The following EIF2AK4 variants were observed in gnomAD, a reference collection of about 807,000 sequenced individuals.
EIF2AK4 encodes the protein eIF-2-alpha kinase GCN2.
A neutral mutation model predicts 211.1 loss-of-function variants in EIF2AK4; 139 were observed. The ratio of observed to expected loss-of-function variants is 0.66; its 90% CI spans 0.57 to 0.76. EIF2AK4 has a LOEUF of 0.76. Among genes scored for constraint, EIF2AK4 ranks in the 30% least tolerant of loss-of-function variants. The pLI is 0.00. For missense variants in EIF2AK4, 1,664 were observed against 2,043.8 expected (o/e 0.81, Z 3.58); for synonymous variants, 710 against 751.3 (o/e 0.94, Z 0.90).
In EIF2AK4 at chr15:40,017,504, TATATATATATATATATATATA is replaced by T. The variant is rs1567006771; in HGVS notation, c.4065+263_4065+283del. On this transcript the variant is annotated intron_variant, in intron 29 of 38. Transcript: ENST00000263791. ...TCATGTACCCTTTACTCTGTTTCTA[TATATATATATATATATATATA>T]TATATATATATATATATATATATAT... Among the ~76,000 whole-genome samples the T allele has an allele frequency of 3.6e-3, 294 of 81,016 alleles. 37 individuals are homozygous for T. The highest frequency in any genetic ancestry group is 0.01 in the African/African-American group (216 of 21,320). The allele number at this position is 81,016 out of a possible 152,430, so 53.1% of individuals were successfully genotyped here. A position where few individuals can be genotyped will look rare whatever the true frequency, so the allele number is the denominator to read the frequency against.
chr15:40,006,854 TGAGTGGTGA>T (rs1317059399), intron 23 of EIF2AK4, among the ~76,000 whole-genome samples, 153 bp from the exon 24 acceptor site: 1 of 152,136 alleles, frequency 6.6e-6, no homozygotes, highest in Non-Finnish European at 1.5e-5. Flanking sequence ...TCAGGGAGTG[TGAGTGGTGA>T]GCAGTGCATA....
At chr15:40,032,854 C>A in intron 37 of EIF2AK4, 53 bp downstream of exon 37, 1 of 1,531,256 alleles carries the variant, frequency 6.5e-7, no homozygotes, top group Non-Finnish European at 8.9e-7. Flanking sequence ...CAAATCTTTG[C>A]TATTAGTTTG....
intron 7 of EIF2AK4, among the ~76,000 whole-genome samples, chr15:39,962,428 T>C (rs1013267566): frequency 7.2e-5 from 11 of 152,328 alleles, no homozygotes; most frequent in Middle Eastern, 3.4e-3. Flanking sequence ...GCTGATCAAA[T>C]GTATGTAACA....
chr15:39,985,640 A>T (rs1178771943), intron 13 of EIF2AK4, among the ~76,000 whole-genome samples, 165 bp from the exon 14 acceptor site: 1 of 152,216 alleles, frequency 6.6e-6, no homozygotes, highest in African/African-American at 2.4e-5. Flanking sequence ...TCACAGCCAA[A>T]TGCTGTGAGC....
intron 7 of EIF2AK4, among the ~76,000 whole-genome samples, chr15:39,964,604 G>A (rs796497782): frequency 9.9e-5 from 15 of 152,056 alleles, no homozygotes; most frequent in African/African-American, 3.6e-4. Flanking sequence ...GCTATGATAT[G>A]GTAAATTATG....
At chr15:40,001,760 A>G (rs2140934561) in intron 21 of EIF2AK4, among the ~76,000 whole-genome samples, 1 of 152,244 alleles carries the variant, frequency 6.6e-6, no homozygotes, top group South Asian at 2.1e-4. Context: ...CTGGTTGCAC[A>G]TCTACTTCAT....
intron 2 of EIF2AK4, among the ~76,000 whole-genome samples, chr15:39,941,338 A>C (rs537762972): frequency 6.6e-6 from 1 of 152,102 alleles, no homozygotes; most frequent in Non-Finnish European, 1.5e-5. Flanking sequence ...CCAGGTACTG[A>C]CCAGAGTTCC....
chr15:40,005,633 G>A (rs1286428787), intron 23 of EIF2AK4, among the ~76,000 whole-genome samples: 3 of 150,420 alleles, frequency 2.0e-5, no homozygotes, highest in South Asian at 4.3e-4. Flanking sequence ...GGGCAGTGGC[G>A]TGATTTCAGC....
chr15:40,010,933 C>A (rs2035227287), intron 26 of EIF2AK4, among the ~76,000 whole-genome samples: 1 of 152,200 alleles, frequency 6.6e-6, no homozygotes, highest in Admixed American at 6.5e-5. Flanking sequence ...ATGAAATGCC[C>A]AGAGCCTGGC....
chr15:39,955,820 T>C (rs2034383316), intron 6 of EIF2AK4, 52 bp downstream of exon 6: 1 of 1,526,548 alleles, frequency 6.6e-7, no homozygotes, highest in Non-Finnish European at 8.8e-7. Flanking sequence ...AGAAGGATTT[T>C]ACTACATTGA....
chr15:39,970,148 A>G (rs980457288), intron 9 of EIF2AK4, among the ~76,000 whole-genome samples: 16 of 152,230 alleles, frequency 1.1e-4, no homozygotes, highest in Non-Finnish European at 1.5e-4. Context: ...AGTGAGAACT[A>G]TGAAGAAATG....
chr15:39,962,438 A>T (rs1270889932), intron 7 of EIF2AK4, among the ~76,000 whole-genome samples: 1 of 152,200 alleles, frequency 6.6e-6, no homozygotes, highest in East Asian at 1.9e-4. Flanking sequence ...TGTATGTAAC[A>T]AAGTGAATTC....
Position 39,956,004 on chromosome 15 carries a change from C to CT in EIF2AK4, c.743+255dup, listed in dbSNP as rs11320320. Among the ~76,000 whole-genome samples, 269 of 103,480 alleles carry CT rather than the reference C, an allele frequency of 2.6e-3. 3 individuals carry two copies. Among genetic ancestry groups the CT allele is most frequent in the Non-Finnish European group, 3.2e-3 (174 of 54,404 alleles). The allele number at this position is 103,480 out of a possible 152,430, so 67.9% of individuals were successfully genotyped here. A position where few individuals can be genotyped will look rare whatever the true frequency, so the allele number is the denominator to read the frequency against. On this transcript the variant is annotated intron_variant, in intron 6 of 38. Transcript: ENST00000263791. ...TGAATCTAGTTTTGTTGCTCATTCC[C>CT]TTTTTTTTTTTTTTTTTTTGAGACG...
intron 23 of EIF2AK4, 125 bp from the exon 24 acceptor site, chr15:40,006,864 GCAGTGCATAACTTAGTGAATACACTAA>G: frequency 1.8e-6 from 1 of 566,896 alleles, no homozygotes; most frequent in Non-Finnish European, 3.1e-6. Context: ...TGAGTGGTGA[GCAGTGCATAACTTAGTGAATACACTAA>G]AAGCCACTGA....
chr15:39,967,382 A>G lies in EIF2AK4; in HGVS notation c.1056A>G (p.Lys352=), dbSNP rs753147482. Residue 352 remains lysine, a synonymous_variant, in exon 9 of 39, where the codon AAA becomes AAG. Transcript: ENST00000263791. ...AAACAGAATTCAACTCACTGGTAAA[A>G]TTGAGCCATCCAAATGTAGTACGCT... ...GTETEFNSLV[K]LSHPNVVRYL... The G allele has an allele frequency of 5.0e-6, 8 of 1,606,718 alleles. No individual in the cohort carries two copies. In the South Asian group the frequency reaches 8.8e-5, roughly 18 times the overall value.
rs201824903 is a variant in EIF2AK4 at position 39,998,738 on chromosome 15, C to T, written c.2876C>T (p.Ser959Leu). The T allele has an allele frequency of 8.0e-5, 129 of 1,612,530 alleles. 1 individual carries two copies. The African/African-American group carries it at 1.5e-3, about 19-fold the overall frequency. ...TTGAATATATTTTTTTAGCCCACTT[C>T]GCCTAAGTTTCCAGAAGACTTTGAC... ...FVLNQLRDPTSPKFPEDFDDG... is the reference protein window; with the variant it reads ...FVLNQLRDPTLPKFPEDFDDG... The change falls in exon 20 of 39, where the codon TCG becomes TTG. Residue 959 changes from serine (S) to leucine (L), a missense_variant. Coordinates refer to ENST00000263791, the MANE Select transcript of EIF2AK4 (RefSeq NM_001013703.4).
intron 27 of EIF2AK4, among the ~76,000 whole-genome samples, chr15:40,016,210 C>T (rs2035300830): frequency 6.6e-6 from 1 of 152,196 alleles, no homozygotes; most frequent in African/African-American, 2.4e-5. Flanking sequence ...ATAATGGAAG[C>T]TCTGCTAGTG....
intron 7 of EIF2AK4, among the ~76,000 whole-genome samples, 189 bp from the exon 8 acceptor site, chr15:39,965,497 A>G: frequency 6.6e-6 from 1 of 152,356 alleles, no homozygotes; most frequent in East Asian, 1.9e-4. Flanking sequence ...AAATTATTTT[A>G]GGACTCAGGT....
rs1160588634 is a variant in EIF2AK4, at chr15:39,955,699, T to C, written c.674T>C (p.Ile225Thr). ...KDPGGHRTAA[I>T]LHGGSPDFVG... ...CCAGGAGGACACAGAACGGCTGCCA[T>C]TCTACATGGAGGCTCTCCTGACTTT... The change falls in exon 6 of 39, where the codon ATT becomes ACT. Residue 225 changes from isoleucine to threonine, a missense_variant. Physicochemically the swap from Ile to Thr is moderately conservative, Grantham distance 89. Around this residue, in one of 7 missense-constraint regions of EIF2AK4, gnomAD observed 641 missense variants for 729.6 expected, o/e 0.88. Transcript: ENST00000263791. 6.2e-7 allele frequency: 1 copy of C among 1,613,248 alleles called. No individual in the cohort carries two copies. The highest frequency in any genetic ancestry group is 8.5e-7 in the Non-Finnish European group (1 of 1,179,796).
Sources: gnomAD v4.1 joint callset for allele counts (sites outside exome capture counted in the v4.1 genomes callset) on GRCh38, gnomAD v4.1.1 for gene constraint, gnomAD v4.1.1 regional missense constraint, MANE v1.5 for transcripts, NCBI Gene and HGNC (gene_info 2026-07-23, HGNC 2026-07-21) for gene names.